Variants in NAV3 observed in about 807,000 individuals in gnomAD.
NAV3 encodes pore membrane and/or filament interacting like protein 1.
NAV3 carries 87 observed loss-of-function variants against 244.7 expected under a neutral mutation model. The ratio of observed to expected loss-of-function variants is 0.36; its 90% confidence interval spans 0.30 to 0.42. The LOEUF (loss-of-function observed/expected upper bound fraction) is 0.42. Ranked by LOEUF, NAV3 falls within the 20% of genes least tolerant of loss-of-function variation. The pLI is 1.00. For missense variants in NAV3, 2,663 were observed against 2,893.3 expected (o/e 0.92, Z 1.83); for synonymous variants, 1,126 against 1,042.2 (o/e 1.08, Z -1.55).
intron 1 of NAV3, among the ~76,000 whole-genome samples, chr12:77,898,665 G>A (rs1223012376): frequency 6.6e-6 from 1 of 152,144 alleles, no homozygotes; most frequent in Non-Finnish European, 1.5e-5. Context: ...TGTCAAAATG[G>A]TTGTCCGTTC....
intron 2 of NAV3, among the ~76,000 whole-genome samples, chr12:77,741,167 G>GAAAAAAAAAAAAAAAAAAAAAAA (rs1868327621): frequency 1.3e-5 from 1 of 76,074 alleles, no homozygotes; most frequent in Non-Finnish European, 2.8e-5. Flanking sequence ...AAAAAAAAAA[G>GAAAAAAAAAAAAAAAAAAAAAAA]AAAAGAAAGA....
chr12:77,915,946 A>G (rs1887100581), intron 1 of NAV3, among the ~76,000 whole-genome samples: 1 of 152,042 alleles, frequency 6.6e-6, no homozygotes, highest in Non-Finnish European at 1.5e-5. Context: ...AGTAATCAGG[A>G]GACAAAGTTA....
rs951013302 is a variant in NAV3 at position 77,811,180 on chromosome 12, A to G, written c.73-129139A>G. On this transcript the variant is annotated intron_variant, in intron 2 of 8. Coordinates refer to the NAV3 transcript ENST00000550042. ...AGTAGTGCCACTTTCTCTATATTCA[A>G]TTCTTCATCATCTACTCCTATTGTA... Among the ~76,000 whole-genome samples the G allele has an allele frequency of 1.8e-4, 27 of 152,200 alleles. 1 individual carries two copies. The highest frequency in any genetic ancestry group is 1.0e-3 in the Admixed American group (16 of 15,284).
intron 23 of NAV3, among the ~76,000 whole-genome samples, chr12:78,160,891 C>A (rs1189679838): frequency 6.7e-6 from 1 of 149,398 alleles, no homozygotes; most frequent in Non-Finnish European, 1.5e-5. Flanking sequence ...TTTTCCTTTT[C>A]TTTCCTTCCT....
intron 1 of NAV3, among the ~76,000 whole-genome samples, chr12:77,895,975 AAAAAGAG>A (rs1884580434): frequency 6.6e-6 from 1 of 150,536 alleles, no homozygotes; most frequent in Non-Finnish European, 1.5e-5. Flanking sequence ...AAAAAAAAAA[AAAAAGAG>A]GAACTCTTTT....
chr12:77,843,355 C>T (rs1876028678), intron 1 of NAV3, among the ~76,000 whole-genome samples: 1 of 151,870 alleles, frequency 6.6e-6, no homozygotes, highest in African/African-American at 2.4e-5. Flanking sequence ...TCCAGGTCTG[C>T]ACTGTGGACC....
intron 2 of NAV3, among the ~76,000 whole-genome samples, chr12:77,588,166 G>A (rs1457764032): frequency 1.4e-4 from 20 of 145,798 alleles, no homozygotes; most frequent in Admixed American, 1.3e-3. Flanking sequence ...CACCTAGGCT[G>A]AAGTGCAGTG....
intron 12 of NAV3, among the ~76,000 whole-genome samples, chr12:78,113,496 A>G (rs1337556632): frequency 1.3e-5 from 2 of 152,094 alleles, no homozygotes; most frequent in Non-Finnish European, 2.9e-5. Context: ...TAGGCTCAAC[A>G]CCCCATGGAA....
chr12:77,793,195 A>G (rs1276606536), intron 2 of NAV3, among the ~76,000 whole-genome samples: 1 of 152,256 alleles, frequency 6.6e-6, no homozygotes, highest in African/African-American at 2.4e-5. Flanking sequence ...AAAAAGCAGT[A>G]TAGTTATAAA....
intron 2 of NAV3, among the ~76,000 whole-genome samples, chr12:77,649,849 C>A (rs1872750820): frequency 6.6e-6 from 1 of 151,946 alleles, no homozygotes; most frequent in South Asian, 2.1e-4. Flanking sequence ...TTATACTTTG[C>A]AATAGTTTTA....
In NAV3 at chr12:78,120,031, T is replaced by G. The variant is rs188166681; in HGVS notation, c.3749+86T>G. ...CATTACATATAAATGTGTGTATATA[T>G]ATATTTTAAATATGTATAAGGTATA... On this transcript the variant is annotated intron_variant, in intron 15 of 39. Transcript: ENST00000397909. 164 of 978,332 alleles carry G rather than the reference T, an allele frequency of 1.7e-4. No homozygotes were observed. The East Asian group carries it at 3.6e-3, about 21-fold the overall frequency. 60.6% of individuals were successfully genotyped at this position (978,332 alleles called of 1,614,324 possible).
intron 2 of NAV3, among the ~76,000 whole-genome samples, chr12:77,754,184 G>A (rs1425236954): frequency 1.3e-5 from 2 of 151,904 alleles, no homozygotes; most frequent in African/African-American, 4.8e-5. Context: ...CATCCATTTA[G>A]AGCTCCGATT....
At chr12:77,823,443 G>A (rs1364473405) in intron 2 of NAV3, among the ~76,000 whole-genome samples, 5 of 152,182 alleles carry the variant, frequency 3.3e-5, no homozygotes, top group African/African-American at 9.6e-5. Context: ...GCAGAAAGAA[G>A]TATGAGAAAT....
chr12:78,175,543 T>A, intron 25 of NAV3, 116 bp downstream of exon 25: 1 of 1,328,766 alleles, frequency 7.5e-7, no homozygotes, highest in South Asian at 1.3e-5. Context: ...TTCAAGCTAC[T>A]GAGACCTCAA....
intron 7 of NAV3, among the ~76,000 whole-genome samples, chr12:77,999,669 A>G (rs1021377250): frequency 7.9e-5 from 12 of 152,310 alleles, no homozygotes; most frequent in African/African-American, 2.9e-4. Flanking sequence ...ACAAAAGTGT[A>G]TATTTGGAAG....
At chr12:77,878,399 G>A (rs768533185) in intron 1 of NAV3, among the ~76,000 whole-genome samples, 3 of 151,622 alleles carry the variant, frequency 2.0e-5, no homozygotes, top group African/African-American at 4.8e-5. Context: ...CTAATTTTGG[G>A]GGTATTTTTA....
At chr12:78,132,638 C>T (rs913453947) in intron 18 of NAV3, among the ~76,000 whole-genome samples, 4 of 152,140 alleles carry the variant, frequency 2.6e-5, no homozygotes, top group African/African-American at 7.2e-5. Flanking sequence ...CCTCCATCTC[C>T]TCCTTATATT....
intron 2 of NAV3, among the ~76,000 whole-genome samples, chr12:77,686,359 C>A: frequency 6.6e-6 from 1 of 151,316 alleles, no homozygotes. Context: ...TCCCAGAATG[C>A]TAGGATTACA....
At chr12:78,028,593 G>T (rs1878461495) in intron 9 of NAV3, among the ~76,000 whole-genome samples, 1 of 152,152 alleles carries the variant, frequency 6.6e-6, no homozygotes, top group South Asian at 2.1e-4. Flanking sequence ...ATGAAAACTT[G>T]CTGTGATAAC....
Sources: allele counts gnomAD v4.1 joint callset (sites outside exome capture counted in the v4.1 genomes callset), GRCh38; gene constraint gnomAD v4.1.1; transcripts MANE v1.5; gene names NCBI Gene and HGNC (gene_info 2026-07-23, HGNC 2026-07-21).